The following CADM2 variants were observed in gnomAD, a reference collection of about 807,000 sequenced individuals.
CADM2 encodes the protein immunoglobulin superfamily member 4D.
CADM2 carries 12 observed loss-of-function variants against 49.8 expected under a neutral mutation model. The ratio of observed to expected loss-of-function variants is 0.24; its 90% CI spans 0.15 to 0.39. The LOEUF is 0.39. CADM2 is among the 10% of genes least tolerant of loss of function. CADM2 has a pLI of 1.00. For synonymous variants in CADM2, 214 were observed against 175.4 expected, an observed-to-expected ratio of 1.22 and a Z score of -1.74; for missense variants, 378 against 492.3, an observed-to-expected ratio of 0.77 and a Z score of 2.20.
At chr3:85,415,074 C>T (rs1286575265) in intron 1 of CADM2, among the ~76,000 whole-genome samples, 1 of 152,126 alleles carries the variant, frequency 6.6e-6, no homozygotes, top group African/African-American at 2.4e-5. Context: ...GAAGCTTATT[C>T]TAAACCGCTG....
At chr3:85,285,295 T>C (rs2043607305) in intron 1 of CADM2, among the ~76,000 whole-genome samples, 1 of 152,118 alleles carries the variant, frequency 6.6e-6, no homozygotes, top group African/African-American at 2.4e-5. Context: ...ATATATGGTA[T>C]GAAATTCACA....
intron 1 of CADM2, among the ~76,000 whole-genome samples, chr3:85,562,531 A>G (rs1057236018): frequency 4.0e-5 from 6 of 151,520 alleles, no homozygotes; most frequent in Non-Finnish European, 7.4e-5. Flanking sequence ...GAAGACATAC[A>G]TGAAGTATTT....
At chr3:86,064,860 T>G (rs1053651527) in intron 8 of CADM2, among the ~76,000 whole-genome samples, 4 of 152,216 alleles carry the variant, frequency 2.6e-5, no homozygotes, top group Non-Finnish European at 5.9e-5. Flanking sequence ...TTCCAATCAC[T>G]TTCTCTAGAA....
At chr3:85,085,950 G>C (rs1204715665) in intron 1 of CADM2, among the ~76,000 whole-genome samples, 2 of 152,046 alleles carry the variant, frequency 1.3e-5, no homozygotes, top group South Asian at 2.1e-4. Context: ...TTGCAAACAA[G>C]AGTTAAAACT....
intron 1 of CADM2, among the ~76,000 whole-genome samples, chr3:85,134,864 G>A (rs933832710): frequency 1.3e-5 from 2 of 151,784 alleles, no homozygotes; most frequent in Non-Finnish European, 2.9e-5. Flanking sequence ...TATCCCAAAT[G>A]GGGATATAAT....
At chr3:85,407,030 T>C (rs1295707665) in intron 1 of CADM2, among the ~76,000 whole-genome samples, 1 of 151,934 alleles carries the variant, frequency 6.6e-6, no homozygotes, top group African/African-American at 2.4e-5. Context: ...ACCTTGTTCC[T>C]ACAAAAAATA....
rs576343128 is a variant in CADM2, at chr3:85,158,699, G to A, written c.61+199031G>A. 1.6e-3 allele frequency among the ~76,000 whole-genome samples: 240 copies of A among 152,198 alleles called. 2 individuals carry two copies. Among genetic ancestry groups the A allele is most frequent in the African/African-American group, 5.3e-3 (222 of 41,518 alleles). On this transcript the variant is annotated intron_variant, in intron 1 of 9. Coordinates refer to ENST00000383699, the MANE Select transcript of CADM2 (RefSeq NM_001167675.2). ...CACTCTGGGGATTGTTGTGGGGTGTGGGGAGTGGGGAGGGATAGCATTGGG... is the reference window on the plus strand; with the variant it reads ...CACTCTGGGGATTGTTGTGGGGTGTAGGGAGTGGGGAGGGATAGCATTGGG...
At chr3:85,755,739 C>T (rs2107879740) in intron 2 of CADM2, among the ~76,000 whole-genome samples, 1 of 152,074 alleles carries the variant, frequency 6.6e-6, no homozygotes, top group South Asian at 2.1e-4. Context: ...GCCAGATCTC[C>T]TGAGAACTCA....
rs115900169 is a variant in CADM2, at chr3:85,219,846, T to A, written c.61+260178T>A. On this transcript the variant is annotated intron_variant, in intron 1 of 9. Transcript: ENST00000383699. ...CCAGGAACATTTTGGTAGCTGGGAT[T>A]ATAATGGTAGAGACATGATATTTTC... Among the ~76,000 whole-genome samples, 342 of 152,268 alleles carry A rather than the reference T, an allele frequency of 2.2e-3. 2 individuals carry two copies. Among genetic ancestry groups the A allele is most frequent in the African/African-American group, 7.8e-3 (324 of 41,560 alleles).
chr3:85,416,653 G>A (rs2035934988), intron 1 of CADM2, among the ~76,000 whole-genome samples: 1 of 152,256 alleles, frequency 6.6e-6, no homozygotes, highest in Middle Eastern at 3.4e-3. Context: ...AAATTGTGTG[G>A]GGACTAGGGA....
At chr3:85,031,711 G>A (rs1252641119) in intron 1 of CADM2, among the ~76,000 whole-genome samples, 3 of 151,540 alleles carry the variant, frequency 2.0e-5, no homozygotes, top group Admixed American at 6.6e-5. Flanking sequence ...TAGTAGATAC[G>A]GGGTTTCACA....
intron 1 of CADM2, among the ~76,000 whole-genome samples, chr3:85,607,157 A>G (rs1034457207): frequency 6.6e-6 from 1 of 152,202 alleles, no homozygotes; most frequent in Non-Finnish European, 1.5e-5. Context: ...TAAGAAGATG[A>G]AGACATTAAC....
chr3:85,636,418 G>A (rs2107536221), intron 1 of CADM2, among the ~76,000 whole-genome samples: 1 of 152,178 alleles, frequency 6.6e-6, no homozygotes, highest in East Asian at 1.9e-4. Flanking sequence ...AGTTTGTACA[G>A]TTTATTTCAA....
At chr3:85,348,733 G>A (rs2031028748) in intron 1 of CADM2, among the ~76,000 whole-genome samples, 1 of 152,118 alleles carries the variant, frequency 6.6e-6, no homozygotes, top group South Asian at 2.1e-4. Flanking sequence ...CTATTAAAAT[G>A]TGAGAGTTTT....
intron 3 of CADM2, among the ~76,000 whole-genome samples, chr3:85,810,512 G>A (rs924314569): frequency 2.8e-5 from 4 of 144,324 alleles, no homozygotes; most frequent in Non-Finnish European, 4.5e-5. Flanking sequence ...ATATGTTAAA[G>A]TATATGCTCA....
intron 1 of CADM2, among the ~76,000 whole-genome samples, chr3:85,007,125 A>G (rs925259415): frequency 6.6e-6 from 1 of 152,162 alleles, no homozygotes; most frequent in Admixed American, 6.6e-5. Context: ...GACATAAAAT[A>G]TTAAGAAATA....
At chr3:85,753,032 G>A (rs1451551230) in intron 2 of CADM2, among the ~76,000 whole-genome samples, 1 of 152,066 alleles carries the variant, frequency 6.6e-6, no homozygotes, top group African/African-American at 2.4e-5. Context: ...TTGTCATGCA[G>A]CTGCAAAGGT....
intron 1 of CADM2, among the ~76,000 whole-genome samples, chr3:85,150,621 G>A (rs958282273): frequency 2.6e-5 from 4 of 151,972 alleles, no homozygotes; most frequent in African/African-American, 9.7e-5. Flanking sequence ...AAAGTCATTT[G>A]GGGCTGGGCA....
intron 1 of CADM2, among the ~76,000 whole-genome samples, chr3:85,320,671 A>G (rs2044575439): frequency 6.6e-6 from 1 of 152,170 alleles, no homozygotes; most frequent in African/African-American, 2.4e-5. Flanking sequence ...CTTCCCTTTA[A>G]GTATTAATGC....
Sources: allele counts gnomAD v4.1 joint callset (sites outside exome capture counted in the v4.1 genomes callset), GRCh38; gene constraint gnomAD v4.1.1; transcripts MANE v1.5; gene names NCBI Gene and HGNC (gene_info 2026-07-23, HGNC 2026-07-21).